The following PSD3 variants were observed in gnomAD, a reference collection of about 807,000 sequenced individuals.
The protein encoded by PSD3 is PH and SEC7 domain-containing protein 3.
A neutral mutation model predicts 105.5 loss-of-function variants in PSD3; 49 were observed. The ratio of observed to expected loss-of-function variants is 0.46; its 90% CI spans 0.37 to 0.59. The LOEUF is 0.59. Ranked by LOEUF, PSD3 falls within the 20% of genes least tolerant of loss-of-function variation. The probability of loss-of-function intolerance (pLI) is 0.00; values close to 1 mark genes in which losing one functional copy is unlikely to be tolerated. For synonymous variants in PSD3, 557 were observed against 457.8 expected, an observed-to-expected ratio of 1.22 and a Z score of -2.77; for missense variants, 1,561 against 1,263.8, an observed-to-expected ratio of 1.24 and a Z score of -3.57.
At chr8:18,838,529 T>C (rs1047500543) in intron 4 of PSD3, among the ~76,000 whole-genome samples, 1 of 152,032 alleles carries the variant, frequency 6.6e-6, no homozygotes, top group African/African-American at 2.4e-5. Context: ...CGGCTGAGCG[T>C]GGTGGCTCAT....
At chr8:19,006,294 C>CAA (rs58023537) in intron 1 of PSD3, among the ~76,000 whole-genome samples, 8,281 of 80,542 alleles carry the variant, frequency 0.1, 501 homozygotes, top group Non-Finnish European at 0.17. Flanking sequence ...AACTCCATCT[C>CAA]AAAAAAAAAA....
At chr8:18,669,617 G>T (rs1799666895) in intron 9 of PSD3, among the ~76,000 whole-genome samples, 1 of 152,230 alleles carries the variant, frequency 6.6e-6, no homozygotes, top group Admixed American at 6.5e-5. Context: ...GTCCACATGG[G>T]ATGGCACACG....
At chr8:18,727,597 C>T (rs967462160) in intron 9 of PSD3, among the ~76,000 whole-genome samples, 1 of 151,548 alleles carries the variant, frequency 6.6e-6, no homozygotes, top group African/African-American at 2.4e-5. Flanking sequence ...CGCACACACA[C>T]ACCCCTCTTA....
chr8:18,987,644 C>T (rs1330174395), intron 1 of PSD3, among the ~76,000 whole-genome samples: 1 of 151,820 alleles, frequency 6.6e-6, no homozygotes, highest in Non-Finnish European at 1.5e-5. Flanking sequence ...ACAGTGAAAC[C>T]CCATCTCTAC....
chr8:18,960,609 G>A (rs1440595597), intron 1 of PSD3, among the ~76,000 whole-genome samples: 1 of 152,206 alleles, frequency 6.6e-6, no homozygotes, highest in East Asian at 1.9e-4. Context: ...CACACAACAG[G>A]GCTGTTACAG....
intron 10 of PSD3, among the ~76,000 whole-genome samples, chr8:18,650,921 G>C (rs549877408): frequency 1.1e-4 from 17 of 152,234 alleles, no homozygotes; most frequent in Admixed American, 3.3e-4. Context: ...TGCCATAGGA[G>C]GCCATAACAG....
chr8:18,764,481 A>G (rs1357439981), intron 9 of PSD3, among the ~76,000 whole-genome samples: 1 of 152,180 alleles, frequency 6.6e-6, no homozygotes, highest in East Asian at 1.9e-4. Context: ...ATGTGCTGCA[A>G]ATAAAGTTAG....
intron 9 of PSD3, among the ~76,000 whole-genome samples, chr8:18,659,436 A>G (rs986603275): frequency 6.6e-6 from 1 of 152,196 alleles, no homozygotes; most frequent in African/African-American, 2.4e-5. Context: ...CCTTATACGG[A>G]TGAGGAAATG....
chr8:18,743,974 C>CCACCACCACCAA, intron 9 of PSD3, among the ~76,000 whole-genome samples: 1 of 150,026 alleles, frequency 6.7e-6, no homozygotes, highest in East Asian at 2.0e-4. Context: ...ACCACCACCA[C>CCACCACCACCAA]CACCACCACC....
chr8:18,971,545 G>C (rs1211358916), intron 1 of PSD3, among the ~76,000 whole-genome samples: 1 of 152,218 alleles, frequency 6.6e-6, no homozygotes, highest in Non-Finnish European at 1.5e-5. Flanking sequence ...GCCAGAGGTA[G>C]GGGAATGAGG....
intron 2 of PSD3, among the ~76,000 whole-genome samples, chr8:18,893,051 T>C (rs1412580920): frequency 2.0e-5 from 3 of 152,168 alleles, no homozygotes; most frequent in Non-Finnish European, 4.4e-5. Context: ...TTGTGCACTA[T>C]TGTATCCCCA....
At chr8:18,978,455 T>G (rs902311668) in intron 1 of PSD3, among the ~76,000 whole-genome samples, 1 of 152,230 alleles carries the variant, frequency 6.6e-6, no homozygotes, top group East Asian at 1.9e-4. Flanking sequence ...GAAATCCTTT[T>G]GCTAAGATTC....
chr8:18,877,075 A>C (rs924469580), intron 2 of PSD3, among the ~76,000 whole-genome samples: 1 of 152,146 alleles, frequency 6.6e-6, no homozygotes, highest in Admixed American at 6.5e-5. Flanking sequence ...TCTTTATTAG[A>C]TGTACACTTT....
intron 9 of PSD3, among the ~76,000 whole-genome samples, chr8:18,711,762 G>A (rs766051137): frequency 6.6e-6 from 1 of 152,138 alleles, no homozygotes. Flanking sequence ...CCTGAAATCA[G>A]CTCTGGATCA....
intron 9 of PSD3, chr8:18,683,952 A>G (rs1404628684): frequency 2.6e-6 from 2 of 760,574 alleles, no homozygotes. Context: ...TCAACTAAGG[A>G]AGGGGTTTAG....
intron 4 of PSD3, among the ~76,000 whole-genome samples, chr8:18,823,810 ACACACC>A (rs1206799442): frequency 6.7e-6 from 1 of 149,386 alleles, no homozygotes; most frequent in Non-Finnish European, 1.5e-5. Context: ...ACACACACAC[ACACACC>A]CCATTCCATG....
chr8:18,837,021 G>A (rs918485561), intron 4 of PSD3, among the ~76,000 whole-genome samples: 4 of 151,464 alleles, frequency 2.6e-5, no homozygotes, highest in Non-Finnish European at 5.9e-5. Context: ...TTGATCTGAT[G>A]GCAAGGCTTT....
At position 18,906,141 on chromosome 8, in the gene PSD3, G is replaced by C. The variant is rs60595992; in HGVS notation, c.130+29893C>G. Among the ~76,000 whole-genome samples the C allele has an allele frequency of 2.8e-3, 429 of 152,220 alleles. 4 individuals are homozygous for C. Among genetic ancestry groups the C allele is most frequent in the African/African-American group, 9.6e-3 (398 of 41,540 alleles). Reference sequence around the variant, plus strand: ...AAGTCTCAGAAAAGTGGTTTTCTTTGAGAAAGACATCCTTGAGAAAGCTAC... The same window carrying C: ...AAGTCTCAGAAAAGTGGTTTTCTTTCAGAAAGACATCCTTGAGAAAGCTAC... On this transcript the variant is annotated intron_variant, in intron 2 of 15. Transcript: ENST00000327040.
At chr8:19,002,463 T>C (rs1391848815) in intron 1 of PSD3, among the ~76,000 whole-genome samples, 1 of 152,042 alleles carries the variant, frequency 6.6e-6, no homozygotes, top group African/African-American at 2.4e-5. Context: ...TTAGTAGTTC[T>C]AGTATCTACT....
Sources: allele counts gnomAD v4.1 joint callset (sites outside exome capture counted in the v4.1 genomes callset), GRCh38; gene constraint gnomAD v4.1.1; transcripts MANE v1.5; gene names NCBI Gene and HGNC (gene_info 2026-07-23, HGNC 2026-07-21).